LRRN2: variants seen among roughly 807,000 people sequenced by gnomAD.
The protein encoded by LRRN2 is leucine-rich repeat neuronal protein 2.
Under a neutral mutation model 35.7 loss-of-function variants are expected in LRRN2, and 10 were observed. The observed-to-expected ratio is 0.28, with a 90% CI of 0.17 to 0.47. The LOEUF is 0.47. Among genes scored for constraint, LRRN2 ranks in the 20% least tolerant of loss-of-function variants. The probability of loss-of-function intolerance (pLI) is 0.99; values close to 1 mark genes in which losing one functional copy is unlikely to be tolerated. For missense variants in LRRN2, 731 were observed against 940.3 expected (o/e 0.78, Z 2.91); for synonymous variants, 391 against 409.6 (o/e 0.95, Z 0.55).
At chr1:204,638,477 TC>T (rs1323759093) in intron 1 of LRRN2, among the ~76,000 whole-genome samples, 6 of 136,108 alleles carry the variant, frequency 4.4e-5, no homozygotes, top group African/African-American at 1.4e-4. Flanking sequence ...AGTGGTGCGA[TC>T]TCGGTTCACT....
At chr1:204,663,225 AC>A (rs1208900715) in intron 1 of LRRN2, among the ~76,000 whole-genome samples, 4 of 152,176 alleles carry the variant, frequency 2.6e-5, no homozygotes, top group African/African-American at 9.7e-5. Flanking sequence ...GGCAGAAAGT[AC>A]CTGGAGGCAT....
chr1:204,651,907 G>A (rs890277621), intron 1 of LRRN2, among the ~76,000 whole-genome samples: 8 of 152,132 alleles, frequency 5.3e-5, no homozygotes, highest in African/African-American at 1.7e-4. Context: ...GCCCTGCCCC[G>A]AGGCTGCTTC....
chr1:204,644,865 G>A (rs570003048), intron 1 of LRRN2, among the ~76,000 whole-genome samples: 6 of 152,318 alleles, frequency 3.9e-5, no homozygotes, highest in Admixed American at 3.9e-4. Flanking sequence ...TTCCTGTAAA[G>A]GTAGCAGTCC....
chr1:204,625,976 T>C (rs1464975683), intron 1 of LRRN2, among the ~76,000 whole-genome samples: 1 of 152,188 alleles, frequency 6.6e-6, no homozygotes, highest in African/African-American at 2.4e-5. Context: ...GGGAGGATGA[T>C]GTGGGTGACC....
intron 1 of LRRN2, among the ~76,000 whole-genome samples, chr1:204,662,534 T>C (rs887020418): frequency 6.6e-6 from 1 of 152,206 alleles, no homozygotes; most frequent in African/African-American, 2.4e-5. Context: ...CTTTTCATGT[T>C]CCCTGCTACC....
At chr1:204,681,658 C>A (rs933212194) in intron 1 of LRRN2, among the ~76,000 whole-genome samples, 21 of 152,178 alleles carry the variant, frequency 1.4e-4, no homozygotes, top group African/African-American at 5.1e-4. Flanking sequence ...GCCAGGCACA[C>A]AGTAGGTACT....
At position 204,617,916 on chromosome 1, in the gene LRRN2, C is replaced by T. The variant is rs11577561; in HGVS notation, c.2077G>A (p.Gly693Arg). The part of the protein sequence containing the change: ...SAPLVLPWNP[G>R]RKLPRSSEGE... ...TCTGAGGATCTGGGCAGCTTCCTCC[C>T]TGGATTCCAGGGCAGGACGAGGGGA... is the stretch of plus-strand genomic sequence containing the variant. Residue 693 changes from glycine to arginine, a missense_variant, in exon 2 of 2, where the codon GGG becomes AGG. This residue lies in a region of LRRN2 where 229 missense variants were observed against 258.4 expected (regional missense o/e 0.89). Coordinates refer to ENST00000367177, the MANE Select transcript of LRRN2 (RefSeq NM_201630.2). The T allele has an allele frequency of 1.6e-4, 251 of 1,614,108 alleles. No individual in the cohort carries two copies. In the African/African-American group the frequency reaches 2.9e-3, roughly 19 times the overall value.
At chr1:204,620,335 G>C in intron 1 of LRRN2, 117 bp from the exon 2 acceptor site, 10 of 569,944 alleles carry the variant, frequency 1.8e-5, no homozygotes, top group Non-Finnish European at 2.4e-5. Context: ...GAGTGCAGCG[G>C]TGCACTCAGC....
intron 1 of LRRN2, among the ~76,000 whole-genome samples, chr1:204,684,830 C>T (rs1669032296): frequency 6.6e-6 from 1 of 152,174 alleles, no homozygotes; most frequent in South Asian, 2.1e-4. Context: ...TGTCCCTCCG[C>T]ACAGACTCGC....
At chr1:204,652,263 C>CCCCCGACCCCCCG (rs71147708) in intron 1 of LRRN2, among the ~76,000 whole-genome samples, 1 of 73,422 alleles carries the variant, frequency 1.4e-5, no homozygotes, top group Non-Finnish European at 2.4e-5. Context: ...CTTCACCGCC[C>CCCCCGACCCCCCG]CCCCCCCGCC....
At chr1:204,665,816 C>A (rs938975967) in intron 1 of LRRN2, among the ~76,000 whole-genome samples, 2 of 152,226 alleles carry the variant, frequency 1.3e-5, no homozygotes, top group African/African-American at 4.8e-5. Flanking sequence ...TAAGGACTTC[C>A]AACAGCTCCA....
chr1:204,668,132 ACT>A (rs1288730713), intron 1 of LRRN2, among the ~76,000 whole-genome samples: 7 of 152,294 alleles, frequency 4.6e-5, no homozygotes, highest in East Asian at 1.9e-4. Flanking sequence ...CACCAAGCTA[ACT>A]TGGTCTGCTC....
chr1:204,665,170 C>T (rs74138513), intron 1 of LRRN2, among the ~76,000 whole-genome samples: 3,885 of 151,034 alleles, frequency 0.026, 174 homozygotes, highest in African/African-American at 0.09. Context: ...CACAGATGGA[C>T]GTGAAAGAAA....
intron 1 of LRRN2, among the ~76,000 whole-genome samples, chr1:204,654,742 C>T (rs544107811): frequency 2.2e-4 from 34 of 152,214 alleles, no homozygotes; most frequent in Non-Finnish European, 3.1e-4. Context: ...TTAACCAGTG[C>T]GTGCTGGAAC....
intron 1 of LRRN2, among the ~76,000 whole-genome samples, chr1:204,640,441 T>C (rs1203658550): frequency 6.6e-6 from 1 of 152,132 alleles, no homozygotes; most frequent in Non-Finnish European, 1.5e-5. Context: ...GCGTTATTAT[T>C]ATCAGATAGA....
At chr1:204,678,213 G>T (rs1381424061) in intron 1 of LRRN2, among the ~76,000 whole-genome samples, 1 of 152,200 alleles carries the variant, frequency 6.6e-6, no homozygotes, top group Non-Finnish European at 1.5e-5. Flanking sequence ...TCTTGTGAGT[G>T]TAAGTTCTGC....
At position 204,618,428 on chromosome 1, in the gene LRRN2, C is replaced by T; in HGVS notation, c.1565G>A (p.Gly522Asp). The T allele has an allele frequency of 6.2e-7, 1 of 1,614,136 alleles. No individual in the cohort carries two copies. Among genetic ancestry groups the T allele is most frequent in the Non-Finnish European group, 8.5e-7 (1 of 1,179,978 alleles). The change falls in exon 2 of 2, where the codon GGC becomes GAC. Residue 522 changes from glycine (G) to aspartate (D), a missense_variant. Around this residue, in one of 3 missense-constraint regions of LRRN2, gnomAD observed 229 missense variants for 258.4 expected, o/e 0.89. Coordinates refer to ENST00000367177, the MANE Select transcript of LRRN2 (RefSeq NM_201630.2). ...VVVGRALLQPGRDEGQGLELR... is the reference protein window; with the variant it reads ...VVVGRALLQPDRDEGQGLELR... ...CTCCAGCCCCTGTCCTTCGTCCCTG[C>T]CTGGCTGGAGGAGAGCACGGCCCAC...
intron 1 of LRRN2, chr1:204,629,621 T>G (rs1238726401): frequency 5.7e-6 from 1 of 176,082 alleles, no homozygotes; most frequent in Admixed American, 6.2e-5. Flanking sequence ...GCCGCCACCA[T>G]GTAAGAAGTG....
In LRRN2 at chr1:204,618,582, C is replaced by T. The variant is rs747244709; in HGVS notation, c.1411G>A (p.Gly471Ser). 1.9e-6 allele frequency: 3 copies of T among 1,613,914 alleles called. No individual in the cohort carries two copies. Among genetic ancestry groups the T allele is most frequent in the East Asian group, 2.2e-5 (1 of 44,882 alleles). ...AGLRLTPAHAGRRYRVYPEGT... is the reference protein window; with the variant it reads ...AGLRLTPAHASRRYRVYPEGT... ...TCGGGGTACACCCGGTACCTCCTGCCTGCATGGGCAGGTGTCAGTCGAAGC... is the reference window on the plus strand; with the variant it reads ...TCGGGGTACACCCGGTACCTCCTGCTTGCATGGGCAGGTGTCAGTCGAAGC... The change falls in exon 2 of 2, where the codon GGC becomes AGC. Residue 471 changes from glycine (G) to serine (S), a missense_variant. Physicochemically the swap from Gly to Ser is moderately conservative, Grantham distance 56. Coordinates refer to ENST00000367177, the MANE Select transcript of LRRN2 (RefSeq NM_201630.2).
Sources: gnomAD v4.1 joint callset for allele counts (sites outside exome capture counted in the v4.1 genomes callset) on GRCh38, gnomAD v4.1.1 for gene constraint, gnomAD v4.1.1 regional missense constraint, MANE v1.5 for transcripts, NCBI Gene and HGNC (gene_info 2026-07-23, HGNC 2026-07-21) for gene names.